The following USP8 variants were observed in gnomAD, a reference collection of about 807,000 sequenced individuals.
The protein encoded by USP8 is ubiquitin specific peptidase 8.
USP8 carries 27 observed loss-of-function variants against 130.0 expected under a neutral mutation model. The ratio of observed to expected loss-of-function variants is 0.21; its 90% CI spans 0.15 to 0.29. The LOEUF is 0.29. USP8 is among the 10% of genes least tolerant of loss of function. The probability of loss-of-function intolerance (pLI) is 1.00; values close to 1 mark genes in which losing one functional copy is unlikely to be tolerated. For missense variants in USP8, 1,029 were observed against 1,312.2 expected (o/e 0.78, Z 3.33); for synonymous variants, 392 against 444.1 (o/e 0.88, Z 1.48).
At chr15:50,459,308 G>A (rs1296271160) in intron 5 of USP8, 146 bp downstream of exon 5, 1 of 1,202,006 alleles carries the variant, frequency 8.3e-7, no homozygotes, top group African/African-American at 1.6e-5. Context: ...TTAAGGCTGG[G>A]CACGGTGGCT....
In USP8 at chr15:50,501,807, A is replaced by G. The variant is rs1396185429; in HGVS notation, c.*2719A>G. 3 of 152,200 alleles carry G rather than the reference A, an allele frequency of 2.0e-5. No homozygotes were observed. Among genetic ancestry groups the G allele is most frequent in the Non-Finnish European group, 2.9e-5 (2 of 68,038 alleles). 9.4% of individuals were successfully genotyped at this position (152,200 alleles called of 1,614,324 possible). A position where few individuals can be genotyped will look rare whatever the true frequency, so the allele number is the denominator to read the frequency against. On this transcript the variant is annotated 3_prime_UTR_variant, in exon 20 of 20. Transcript: ENST00000307179. ...ACTCCAGGCTGTTTTTGTAAGACCC[A>G]TGCATTAGCAACGGGTTTTAAATTT...
At chr15:50,434,064 TA>T (rs1170194687) in intron 1 of USP8, among the ~76,000 whole-genome samples, 3 of 152,070 alleles carry the variant, frequency 2.0e-5, no homozygotes, top group African/African-American at 7.2e-5. Context: ...TATACTTAGT[TA>T]TTTTTTTTTC....
chr15:50,476,544 A>G (rs1396704085), intron 8 of USP8, among the ~76,000 whole-genome samples: 4 of 152,230 alleles, frequency 2.6e-5, no homozygotes, highest in Admixed American at 6.5e-5. Flanking sequence ...AAAACTCTCT[A>G]TAAGAGTAAA....
chr15:50,505,959 C>CAAAAACAAAAGATGCT lies in USP8; in HGVS notation c.*6872_*6887dup, dbSNP rs2052652346. On this transcript the variant is annotated 3_prime_UTR_variant, in exon 20 of 20. Coordinates refer to ENST00000307179, the MANE Select transcript of USP8 (RefSeq NM_005154.5). ...TGGGCAACAGAGTGAGACCCTGTCTCAAAAACAAAAGATGCTGAAAACAGT... is the reference window on the plus strand; with the variant it reads ...TGGGCAACAGAGTGAGACCCTGTCTCAAAAACAAAAGATGCTAAAAACAAAAGATGCTGAAAACAGT... The CAAAAACAAAAGATGCT allele has an allele frequency of 1.3e-5, 2 of 152,218 alleles. No individual in the cohort carries two copies. Among genetic ancestry groups the CAAAAACAAAAGATGCT allele is most frequent in the Non-Finnish European group, 1.5e-5 (1 of 68,106 alleles). 9.4% of individuals were successfully genotyped at this position (152,218 alleles called of 1,614,324 possible).
At chr15:50,474,929 C>G (rs902319326) in intron 8 of USP8, among the ~76,000 whole-genome samples, 1 of 151,902 alleles carries the variant, frequency 6.6e-6, no homozygotes, top group Non-Finnish European at 1.5e-5. Flanking sequence ...GCCAACATGG[C>G]GAAACCCCAT....
At chr15:50,455,725 C>T (rs377404570) in intron 4 of USP8, among the ~76,000 whole-genome samples, 14 of 152,184 alleles carry the variant, frequency 9.2e-5, no homozygotes, top group Admixed American at 6.6e-4. Context: ...TATACTCAAA[C>T]GTTAAGTTTT....
intron 4 of USP8, among the ~76,000 whole-genome samples, chr15:50,453,684 G>T (rs2141271493): frequency 6.6e-6 from 1 of 152,162 alleles, no homozygotes; most frequent in Non-Finnish European, 1.5e-5. Context: ...GGGGGTTCAA[G>T]TTGTAACAAT....
In USP8 at chr15:50,510,064, AT is replaced by A. The variant is rs1312185100; in HGVS notation, c.*10980del. On this transcript the variant is annotated 3_prime_UTR_variant, in exon 20 of 20. Transcript: ENST00000307179. The stretch of plus-strand genomic sequence containing the variant: ...TCAATATTAATTTAATAAATTTAAT[AT>A]TTTATAGCTATAATTAATACAGTAC... 2 of 152,100 alleles carry A rather than the reference AT, an allele frequency of 1.3e-5. No individual in the cohort carries two copies. The highest frequency in any genetic ancestry group is 2.9e-5 in the Non-Finnish European group (2 of 68,002). 9.4% of individuals were successfully genotyped at this position (152,100 alleles called of 1,614,324 possible). A position where few individuals can be genotyped will look rare whatever the true frequency, so the allele number is the denominator to read the frequency against.
At chr15:50,480,109 A>G (rs2051712171) in intron 10 of USP8, among the ~76,000 whole-genome samples, 1 of 152,170 alleles carries the variant, frequency 6.6e-6, no homozygotes, top group South Asian at 2.1e-4. Context: ...TTGTAAGAAC[A>G]CTATGTAGAT....
chr15:50,427,058 AT>A (rs2049756405), intron 1 of USP8: 1 of 150,184 alleles, frequency 6.7e-6, no homozygotes, highest in South Asian at 2.1e-4. Flanking sequence ...GGTTCACGCC[AT>A]TCTCCTGCCT....
chr15:50,462,256 C>A, intron 5 of USP8, 24 bp from the exon 6 acceptor site: 1 of 1,221,688 alleles, frequency 8.2e-7, no homozygotes, highest in Non-Finnish European at 1.1e-6. Flanking sequence ...AAAGTTGAAA[C>A]TTTTTTTTTT....
chr15:50,456,657 G>C (rs1275553012), intron 4 of USP8, among the ~76,000 whole-genome samples: 2 of 152,084 alleles, frequency 1.3e-5, no homozygotes, highest in Admixed American at 6.6e-5. Context: ...AGGCCGACGA[G>C]GGTGGATCAC....
intron 3 of USP8, among the ~76,000 whole-genome samples, chr15:50,448,010 T>A (rs2050498585): frequency 6.6e-6 from 1 of 152,176 alleles, no homozygotes; most frequent in South Asian, 2.1e-4. Flanking sequence ...CCCAAAGTGC[T>A]GGGATTACAG....
chr15:50,457,851 ACT>A (rs1338155628), intron 4 of USP8, among the ~76,000 whole-genome samples: 4 of 141,742 alleles, frequency 2.8e-5, no homozygotes, highest in Admixed American at 2.2e-4. Context: ...ACAGAGCAAG[ACT>A]CTGTCTCAAA....
chr15:50,500,830 A>C lies in USP8; in HGVS notation c.*1742A>C. ...GTAGTGGCCACCATCCAAATCACCAAAATGGTTCTATGGGAGAAAGGAATG... is the reference window on the plus strand; with the variant it reads ...GTAGTGGCCACCATCCAAATCACCACAATGGTTCTATGGGAGAAAGGAATG... On this transcript the variant is annotated 3_prime_UTR_variant, in exon 20 of 20. Transcript: ENST00000307179. 1 of 1,580,110 alleles carries C rather than the reference A, an allele frequency of 6.3e-7. No individual in the cohort carries two copies. The highest frequency in any genetic ancestry group is 8.6e-7 in the Non-Finnish European group (1 of 1,162,170).
At chr15:50,433,781 C>T (rs191569517) in intron 1 of USP8, among the ~76,000 whole-genome samples, 3 of 151,686 alleles carry the variant, frequency 2.0e-5, no homozygotes, top group Non-Finnish European at 4.4e-5. Flanking sequence ...AATTTTTTGT[C>T]TTTTTAGTAG....
At chr15:50,429,766 TA>T (rs1437110950) in intron 1 of USP8, among the ~76,000 whole-genome samples, 1 of 152,194 alleles carries the variant, frequency 6.6e-6, no homozygotes, top group African/African-American at 2.4e-5. Flanking sequence ...TGAGCATCAA[TA>T]TTTTTTTAAA....
rs2052384973 is a variant in USP8, at chr15:50,495,970, G to A, written c.2781G>A (p.Gln927=). The A allele has an allele frequency of 6.2e-7, 1 of 1,613,834 alleles. No homozygotes were observed. The highest frequency in any genetic ancestry group is 1.3e-5 in the African/African-American group (1 of 75,012). The change falls in exon 17 of 20, where the codon CAG becomes CAA. Residue 927 remains glutamine, a synonymous_variant. Coordinates refer to ENST00000307179, the MANE Select transcript of USP8 (RefSeq NM_005154.5). ...AGTCTATTATTGTTGCACTTTTTCA[G>A]GGTCAATTCAAATCTACAGTACAGT... ...LNESIIVALF[Q]GQFKSTVQCL...
At chr15:50,431,917 A>G (rs1456918359) in intron 1 of USP8, among the ~76,000 whole-genome samples, 4 of 152,082 alleles carry the variant, frequency 2.6e-5, no homozygotes, top group East Asian at 3.9e-4. Context: ...CAGCCTCCCA[A>G]AGTGCTGGGA....
Sources: gnomAD v4.1 joint callset for allele counts (sites outside exome capture counted in the v4.1 genomes callset) on GRCh38, gnomAD v4.1.1 for gene constraint, MANE v1.5 for transcripts, NCBI Gene and HGNC (gene_info 2026-07-23, HGNC 2026-07-21) for gene names.